SCN11A: variants seen among roughly 807,000 people sequenced by gnomAD.
The protein encoded by SCN11A is sodium voltage-gated channel alpha subunit 11.
Under a neutral mutation model 162.2 loss-of-function variants are expected in SCN11A, and 122 were observed. The ratio of observed to expected loss-of-function variants is 0.75; its 90% CI spans 0.65 to 0.87. SCN11A has a LOEUF of 0.87. Ranked by LOEUF, SCN11A falls within the 40% of genes least tolerant of loss-of-function variation. The pLI is 0.00. For missense variants in SCN11A, 2,015 were observed against 2,181.6 expected (o/e 0.92, Z 1.52); for synonymous variants, 758 against 751.5 (o/e 1.01, Z -0.14).
At chr3:38,928,887 A>T (rs112913627) in intron 7 of SCN11A, among the ~76,000 whole-genome samples, 1 of 152,206 alleles carries the variant, frequency 6.6e-6, no homozygotes, top group South Asian at 2.1e-4. Flanking sequence ...AGACTCCTCA[A>T]AAATTAAAAA....
chr3:38,945,425 A>G lies in SCN11A; in HGVS notation c.474T>C (p.Asn158=), dbSNP rs1338235405. 5.0e-6 allele frequency: 8 copies of G among 1,609,762 alleles called. No homozygotes were observed. The change falls in exon 7 of 30, where the codon AAT becomes AAC. Residue 158 remains asparagine, a synonymous_variant. Coordinates refer to ENST00000302328, the MANE Select transcript of SCN11A (RefSeq NM_001349253.2). ...TGPAKNSNSN[N]TDIAECVFTG... is the part of the protein sequence containing the mutation. ...AAAATACTTACTCTGCAATGTCAGT[A>G]TTGTTACTGTTGCTGTTTTTAGCAG...
intron 17 of SCN11A, 55 bp downstream of exon 17, chr3:38,899,839 C>T (rs1206367736): frequency 6.1e-6 from 9 of 1,469,512 alleles, no homozygotes; most frequent in African/African-American, 2.8e-5. Context: ...TCACTCAAAA[C>T]GTTTTTTCCA....
chr3:38,944,097 T>G (rs2066480386), intron 7 of SCN11A, among the ~76,000 whole-genome samples: 1 of 152,152 alleles, frequency 6.6e-6, no homozygotes, highest in Admixed American at 6.5e-5. Context: ...TGTACAATTA[T>G]TATGTGTCAA....
rs1169470263 is a variant in SCN11A at position 38,896,855 on chromosome 3, C to T, written c.2393G>A (p.Gly798Glu). The part of the protein sequence containing the change: ...VIVFILITVI[G>E]KLVVLNLFIA... ...ATCTAAGACACATACCACAAGTTTTCCTATCACCGTGATCAATATGAAGAC... is the reference window on the plus strand; with the variant it reads ...ATCTAAGACACATACCACAAGTTTTTCTATCACCGTGATCAATATGAAGAC... The change falls in exon 18 of 30, where the codon GGA (glycine) becomes GAA (glutamate). Residue 798 changes from glycine to glutamate, a missense_variant. Gly to Glu is a moderately conservative substitution (Grantham distance 98). Coordinates refer to ENST00000302328, the MANE Select transcript of SCN11A (RefSeq NM_001349253.2). The T allele has an allele frequency of 1.4e-5, 20 of 1,474,618 alleles. No homozygotes were observed. The highest frequency in any genetic ancestry group is 4.4e-5 in the Admixed American group (2 of 45,774). The allele number at this position is 1,474,618 out of a possible 1,614,324, so 91.3% of individuals were successfully genotyped here. A position where few individuals can be genotyped will look rare whatever the true frequency, so the allele number is the denominator to read the frequency against.
At chr3:38,961,226 G>A (rs182903167) in intron 2 of SCN11A, among the ~76,000 whole-genome samples, 117 of 152,320 alleles carry the variant, frequency 7.7e-4, no homozygotes, top group Admixed American at 1.2e-3. Context: ...TCAGCTGCAT[G>A]TTATTGGAAA....
chr3:38,857,778 T>C (rs535375144), intron 28 of SCN11A, among the ~76,000 whole-genome samples: 14 of 152,136 alleles, frequency 9.2e-5, no homozygotes, highest in Non-Finnish European at 1.8e-4. Context: ...GGAAAACCTA[T>C]CAGATTAACA....
At chr3:39,037,823 T>C (rs1475558473) in intron 1 of SCN11A, among the ~76,000 whole-genome samples, 2 of 152,010 alleles carry the variant, frequency 1.3e-5, no homozygotes, top group African/African-American at 4.8e-5. Context: ...GAGCCGAAAA[T>C]AAAGAAGGAT....
intron 1 of SCN11A, among the ~76,000 whole-genome samples, 22 bp from the exon 2 acceptor site, chr3:39,032,525 A>AC (rs1391343508): frequency 1.3e-5 from 2 of 152,088 alleles, no homozygotes; most frequent in South Asian, 2.1e-4. Context: ...AACAACAACA[A>AC]AAAAAACAAG....
intron 7 of SCN11A, among the ~76,000 whole-genome samples, chr3:38,941,168 A>G (rs1302232585): frequency 6.6e-6 from 1 of 152,220 alleles, no homozygotes; most frequent in Admixed American, 6.5e-5. Context: ...CAGAGCTGGC[A>G]GAGCAGCTGG....
chr3:39,021,484 G>T (rs538958259), intron 2 of SCN11A, among the ~76,000 whole-genome samples: 1 of 152,290 alleles, frequency 6.6e-6, no homozygotes, highest in African/African-American at 2.4e-5. Flanking sequence ...CCCTGGTGTG[G>T]GGAACTGGGA....
chr3:38,941,851 C>A (rs1284472960), intron 7 of SCN11A, among the ~76,000 whole-genome samples: 1 of 150,692 alleles, frequency 6.6e-6, no homozygotes. Context: ...AAAGCAAAAT[C>A]CAATTATATA....
At chr3:38,933,180 A>G (rs1208554286) in intron 7 of SCN11A, among the ~76,000 whole-genome samples, 2 of 152,188 alleles carry the variant, frequency 1.3e-5, no homozygotes, top group African/African-American at 4.8e-5. Flanking sequence ...GTTAGAAGGA[A>G]AACTAACAAA....
intron 7 of SCN11A, among the ~76,000 whole-genome samples, chr3:38,933,892 T>C (rs964661287): frequency 1.3e-5 from 2 of 152,120 alleles, no homozygotes; most frequent in African/African-American, 4.8e-5. Context: ...AGATACTCCT[T>C]GAGAAGAGCA....
chr3:39,008,938 G>A (rs1385196034), intron 2 of SCN11A, among the ~76,000 whole-genome samples: 3 of 151,862 alleles, frequency 2.0e-5, no homozygotes, highest in Admixed American at 2.0e-4. Flanking sequence ...CCAAAGTCAG[G>A]TCCAGTGGCC....
At chr3:38,977,322 T>G (rs1217884169) in intron 2 of SCN11A, among the ~76,000 whole-genome samples, 1 of 152,184 alleles carries the variant, frequency 6.6e-6, no homozygotes, top group Non-Finnish European at 1.5e-5. Context: ...ACGCCACATC[T>G]GAGACCAGGG....
chr3:38,947,036 T>C, intron 5 of SCN11A, 129 bp from the exon 6 acceptor site: 1 of 623,840 alleles, frequency 1.6e-6, no homozygotes, highest in Middle Eastern at 3.8e-4. Flanking sequence ...GGCTGTGGAA[T>C]ATTTACCCAA....
Position 38,885,155 on chromosome 3 carries a change from G to A in SCN11A, c.3064+133C>T, listed in dbSNP as rs191552373. 218 of 621,500 alleles carry A rather than the reference G, an allele frequency of 3.5e-4. 1 individual carries two copies. The highest frequency in any genetic ancestry group is 3.1e-3 in the African/African-American group (170 of 54,216). The allele number at this position is 621,500 out of a possible 1,614,324, so 38.5% of individuals were successfully genotyped here. On this transcript the variant is annotated intron_variant, in intron 21 of 29. Transcript: ENST00000302328. ...TCCGACAATCGCCTCAAGAATCTAC[G>A]GGTGCCCTCTCATTGCTTTTGTCTC...
At chr3:38,949,762 G>A (rs1049790572) in intron 5 of SCN11A, among the ~76,000 whole-genome samples, 2 of 152,178 alleles carry the variant, frequency 1.3e-5, no homozygotes, top group African/African-American at 4.8e-5. Context: ...GAGTCATAAA[G>A]CCAATCAATT....
At chr3:39,048,869 GAGA>G (rs1267240463) in intron 1 of SCN11A, among the ~76,000 whole-genome samples, 1 of 152,230 alleles carries the variant, frequency 6.6e-6, no homozygotes, top group Admixed American at 6.5e-5. Flanking sequence ...GAAAGATCAT[GAGA>G]AGGTGTTCTA....
Sources: gnomAD v4.1 joint callset for allele counts (sites outside exome capture counted in the v4.1 genomes callset) on GRCh38, gnomAD v4.1.1 for gene constraint, MANE v1.5 for transcripts, NCBI Gene and HGNC (gene_info 2026-07-23, HGNC 2026-07-21) for gene names.